Variants in PTPRD observed in about 807,000 individuals in gnomAD.
The protein encoded by PTPRD is protein tyrosine phosphatase receptor type D.
PTPRD carries 34 observed loss-of-function variants against 214.5 expected under a neutral mutation model. The observed-to-expected ratio is 0.16, with a 90% CI of 0.12 to 0.21. PTPRD has a LOEUF of 0.21. PTPRD is among the 10% of genes least tolerant of loss of function. PTPRD has a pLI of 1.00. For missense variants in PTPRD, 2,545 were observed against 2,398.7 expected (o/e 1.06, Z -1.27); for synonymous variants, 1,128 against 845.7 (o/e 1.33, Z -5.79).
chr9:9,097,893 C>G (rs1196370875), intron 10 of PTPRD, among the ~76,000 whole-genome samples: 1 of 152,004 alleles, frequency 6.6e-6, no homozygotes, highest in East Asian at 1.9e-4. Context: ...TGTGTACTAT[C>G]CAATACAATA....
intron 6 of PTPRD, among the ~76,000 whole-genome samples, chr9:9,754,912 AT>A (rs577824737): frequency 6.6e-6 from 1 of 151,838 alleles, no homozygotes; most frequent in African/African-American, 2.4e-5. Context: ...GGAGGAAATT[AT>A]TTTTTTTAAT....
At chr9:8,886,307 T>A (rs1396159529) in intron 11 of PTPRD, among the ~76,000 whole-genome samples, 2 of 152,138 alleles carry the variant, frequency 1.3e-5, no homozygotes, top group Non-Finnish European at 1.5e-5. Flanking sequence ...GTAATTGCCA[T>A]AGTTATGAAA....
At chr9:9,974,150 C>G (rs537716148) in intron 4 of PTPRD, among the ~76,000 whole-genome samples, 1 of 152,300 alleles carries the variant, frequency 6.6e-6, no homozygotes, top group African/African-American at 2.4e-5. Flanking sequence ...TCCTCAATTT[C>G]TATTCTATGT....
At chr9:9,517,952 T>C (rs1198872525) in intron 8 of PTPRD, among the ~76,000 whole-genome samples, 3 of 151,430 alleles carry the variant, frequency 2.0e-5, no homozygotes, top group African/African-American at 2.4e-5. Context: ...ACTTTAAAAG[T>C]TAAAATTATT....
At chr9:10,463,779 G>A (rs921138030) in intron 2 of PTPRD, among the ~76,000 whole-genome samples, 3 of 152,098 alleles carry the variant, frequency 2.0e-5, no homozygotes, top group Admixed American at 1.3e-4. Flanking sequence ...AAGAAAAAAA[G>A]AGGTGTGATC....
chr9:9,038,778 A>T (rs1406086954), intron 10 of PTPRD, among the ~76,000 whole-genome samples: 1 of 151,930 alleles, frequency 6.6e-6, no homozygotes, highest in East Asian at 1.9e-4. Flanking sequence ...GCTGGTCTTG[A>T]ACTCCTGACC....
chr9:8,419,900 T>G (rs13284476), intron 35 of PTPRD, among the ~76,000 whole-genome samples: 23 of 152,078 alleles, frequency 1.5e-4, no homozygotes, highest in Non-Finnish European at 3.2e-4. Context: ...GAAGGATTGA[T>G]TTTTCTGTTT....
intron 9 of PTPRD, among the ~76,000 whole-genome samples, chr9:9,319,999 C>A (rs1259965954): frequency 6.6e-6 from 1 of 152,000 alleles, no homozygotes. Flanking sequence ...AGGAAACTTC[C>A]TAAAGATATA....
At chr9:8,690,404 G>C (rs2097778518) in intron 12 of PTPRD, among the ~76,000 whole-genome samples, 1 of 151,900 alleles carries the variant, frequency 6.6e-6, no homozygotes, top group South Asian at 2.1e-4. Flanking sequence ...GTGGGTGCCT[G>C]TAGTCCCAGC....
intron 8 of PTPRD, among the ~76,000 whole-genome samples, chr9:9,447,440 AC>A (rs35455441): frequency 0.45 from 68,758 of 151,866 alleles, 16,270 homozygotes; most frequent in East Asian, 0.66. Context: ...GTATGTTCTC[AC>A]TTATATGTAG....
At chr9:10,170,307 G>T (rs1046601120) in intron 3 of PTPRD, among the ~76,000 whole-genome samples, 1 of 151,920 alleles carries the variant, frequency 6.6e-6, no homozygotes, top group Non-Finnish European at 1.5e-5. Flanking sequence ...CCTTCTGATG[G>T]GCATATTTTA....
chr9:9,921,909 T>C (rs1218424591), intron 5 of PTPRD, among the ~76,000 whole-genome samples: 2 of 152,088 alleles, frequency 1.3e-5, no homozygotes, highest in East Asian at 3.9e-4. Context: ...ATTAAGCAAT[T>C]TGCTGATTAT....
intron 4 of PTPRD, among the ~76,000 whole-genome samples, chr9:9,966,647 A>G (rs1337324072): frequency 1.3e-5 from 2 of 152,170 alleles, no homozygotes; most frequent in Admixed American, 1.3e-4. Flanking sequence ...TTTTAGGAAA[A>G]AAGTCATGAA....
intron 14 of PTPRD, among the ~76,000 whole-genome samples, chr9:8,560,961 T>C (rs2086021255): frequency 6.7e-6 from 1 of 150,248 alleles, no homozygotes; most frequent in East Asian, 1.9e-4. Flanking sequence ...GACATGGTGA[T>C]GACAGTGAAA....
intron 11 of PTPRD, among the ~76,000 whole-genome samples, chr9:8,783,786 C>T (rs1187442491): frequency 6.6e-6 from 1 of 152,092 alleles, no homozygotes; most frequent in African/African-American, 2.4e-5. Context: ...TATTTTATTC[C>T]TTTACAAATT....
chr9:8,445,116 G>C (rs1355006135), intron 34 of PTPRD, among the ~76,000 whole-genome samples: 20 of 152,004 alleles, frequency 1.3e-4, no homozygotes, highest in East Asian at 5.8e-4. Flanking sequence ...CTATCTGTTA[G>C]AATTAATAAG....
At chr9:9,665,326 G>A (rs1390509280) in intron 7 of PTPRD, among the ~76,000 whole-genome samples, 1 of 151,716 alleles carries the variant, frequency 6.6e-6, no homozygotes, top group Non-Finnish European at 1.5e-5. Flanking sequence ...AATCTCGTTT[G>A]AGCTGTATAC....
chr9:9,701,352 T>G (rs1440667917), intron 7 of PTPRD, among the ~76,000 whole-genome samples: 1 of 152,154 alleles, frequency 6.6e-6, no homozygotes. Context: ...AAAAAAAAGT[T>G]ATGCTAATAA....
At chr9:8,871,776 C>CAAT (rs57914599) in intron 11 of PTPRD, among the ~76,000 whole-genome samples, 14 of 151,480 alleles carry the variant, frequency 9.2e-5, no homozygotes, top group East Asian at 1.9e-4. Context: ...CTTGGTACAG[C>CAAT]AATAATAATA....
Sources: gnomAD v4.1 joint callset for allele counts (sites outside exome capture counted in the v4.1 genomes callset) on GRCh38, gnomAD v4.1.1 for gene constraint, MANE v1.5 for transcripts, NCBI Gene and HGNC (gene_info 2026-07-23, HGNC 2026-07-21) for gene names.